The following TMC3 variants were observed in gnomAD, a reference collection of about 807,000 sequenced individuals.
TMC3 encodes transmembrane channel-like protein 3.
Under a neutral mutation model 110.6 loss-of-function variants are expected in TMC3, and 98 were observed. That is an observed-to-expected ratio of 0.89 (90% confidence interval 0.75 to 1.05). TMC3 has a LOEUF of 1.05. Among genes scored for constraint, TMC3 ranks in the 50% least tolerant of loss-of-function variants. The pLI, the probability that TMC3 is intolerant of heterozygous loss-of-function variation, is 0.00. For missense variants in TMC3, 1,319 were observed against 1,373.2 expected, an observed-to-expected ratio of 0.96 and a Z score of 0.62; for synonymous variants, 489 against 513.1, an observed-to-expected ratio of 0.95 and a Z score of 0.63.
chr15:81,344,616 T>A (rs1389913945), intron 13 of TMC3, 150 bp downstream of exon 13: 6 of 827,228 alleles, frequency 7.3e-6, no homozygotes, highest in Non-Finnish European at 1.1e-5. Flanking sequence ...ACTGATTATT[T>A]TTCTTTTTTA....
intron 3 of TMC3, among the ~76,000 whole-genome samples, chr15:81,365,683 A>G (rs1024148723): frequency 6.2e-5 from 7 of 112,280 alleles, no homozygotes; most frequent in Non-Finnish European, 1.0e-4. Context: ...AAAAAAAAAA[A>G]AAGAAAAAGA....
chr15:81,360,096 T>TA (rs1229133313), intron 4 of TMC3, among the ~76,000 whole-genome samples: 2 of 152,218 alleles, frequency 1.3e-5, no homozygotes, highest in Admixed American at 6.5e-5. Context: ...TAGGTAGTTT[T>TA]ATGTCATTAA....
At chr15:81,366,770 A>G (rs1894326141) in intron 3 of TMC3, among the ~76,000 whole-genome samples, 1 of 152,246 alleles carries the variant, frequency 6.6e-6, no homozygotes, top group African/African-American at 2.4e-5. Flanking sequence ...GAAGAGTAAG[A>G]AGAAAGAATG....
At chr15:81,373,830 C>T (rs1290856107) in intron 1 of TMC3, among the ~76,000 whole-genome samples, 159 bp downstream of exon 1, 1 of 152,148 alleles carries the variant, frequency 6.6e-6, no homozygotes, top group Non-Finnish European at 1.5e-5. Context: ...GCTGAGGTTG[C>T]CATCCTAGTT....
intron 8 of TMC3, among the ~76,000 whole-genome samples, chr15:81,356,094 G>T (rs1894054541): frequency 6.6e-6 from 1 of 152,066 alleles, no homozygotes; most frequent in Admixed American, 6.5e-5. Context: ...TATTTTCTAA[G>T]TTAAAAGTAA....
chr15:81,353,994 T>C (rs1163695087), intron 9 of TMC3, among the ~76,000 whole-genome samples: 1 of 152,226 alleles, frequency 6.6e-6, no homozygotes, highest in Non-Finnish European at 1.5e-5. Context: ...CCTAATTTGG[T>C]CTCACTTCTC....
intron 2 of TMC3, among the ~76,000 whole-genome samples, chr15:81,372,128 T>A (rs1295116115): frequency 6.6e-6 from 1 of 152,064 alleles, no homozygotes; most frequent in Non-Finnish European, 1.5e-5. Context: ...TTTAATTATT[T>A]TTTTACCCAG....
intron 9 of TMC3, among the ~76,000 whole-genome samples, chr15:81,352,093 C>T (rs952828059): frequency 6.6e-5 from 10 of 152,136 alleles, no homozygotes; most frequent in Non-Finnish European, 1.3e-4. Context: ...AACAAATAAA[C>T]GCCTCTTGTT....
chr15:81,332,975 T>C lies in TMC3; in HGVS notation c.2747A>G (p.Asp916Gly), dbSNP rs1376604800. 6.2e-7 allele frequency: 1 copy of C among 1,612,884 alleles called. No individual in the cohort carries two copies. The highest frequency in any genetic ancestry group is 1.7e-5 in the Admixed American group (1 of 59,934). Residue 916 changes from aspartate to glycine, a missense_variant, in exon 22 of 22, where the codon GAC becomes GGC. Transcript: ENST00000359440. Reference sequence around the variant, plus strand: ...GTTCCTGGGGTACAGCTCCACAATGTCACCTGAAGCATCTATCTTGAAATG... The same window carrying C: ...GTTCCTGGGGTACAGCTCCACAATGCCACCTGAAGCATCTATCTTGAAATG... ...ERHFKIDASG[D>G]IVELYPRNVR...
At chr15:81,350,302 A>T (rs1047967728) in intron 10 of TMC3, among the ~76,000 whole-genome samples, 1 of 152,190 alleles carries the variant, frequency 6.6e-6, no homozygotes, top group South Asian at 2.1e-4. Flanking sequence ...CAGTATTTAT[A>T]CTTCCCTGAC....
At chr15:81,339,632 G>A (rs1167496974) in intron 16 of TMC3, 128 bp from the exon 17 acceptor site, 2 of 694,262 alleles carry the variant, frequency 2.9e-6, no homozygotes, top group African/African-American at 3.5e-5. Context: ...CTCCTCTCAG[G>A]GTTACCTACA....
In TMC3 at chr15:81,374,212, G is replaced by GAGAGACC; in HGVS notation, c.-136_-135insGGTCTCT. On this transcript the variant is annotated 5_prime_UTR_variant, in exon 1 of 22. Coordinates refer to ENST00000359440, the MANE Select transcript of TMC3 (RefSeq NM_001080532.3). ...CGCTAGTTCTCAGGAAGAAGACTGT[G>GAGAGACC]TGCTTGCAGCTGGTGCTCTGAGCAG... 1 of 721,726 alleles carries GAGAGACC rather than the reference G, an allele frequency of 1.4e-6. No homozygotes were observed. Among genetic ancestry groups the GAGAGACC allele is most frequent in the African/African-American group, 1.7e-5 (1 of 57,314 alleles). The allele number at this position is 721,726 out of a possible 1,614,324, so 44.7% of individuals were successfully genotyped here.
chr15:81,364,479 CA>C (rs1894260074), intron 3 of TMC3, among the ~76,000 whole-genome samples: 1 of 138,130 alleles, frequency 7.2e-6, no homozygotes. Context: ...GGGAATTGAA[CA>C]ATGAGATCAC....
At chr15:81,340,189 T>C (rs908634028) in intron 16 of TMC3, among the ~76,000 whole-genome samples, 2 of 149,892 alleles carry the variant, frequency 1.3e-5, no homozygotes, top group East Asian at 2.0e-4. Flanking sequence ...ACTAGTACTC[T>C]CTGTTGGTCT....
In TMC3 at chr15:81,356,565, G is replaced by C. The variant is rs1461009795; in HGVS notation, c.773C>G (p.Ala258Gly). Residue 258 changes from alanine to glycine, a missense_variant, in exon 8 of 22, where the codon GCC becomes GGC. By Grantham distance (60) the Ala-to-Gly change is moderately conservative. Coordinates refer to ENST00000359440, the MANE Select transcript of TMC3 (RefSeq NM_001080532.3). Reference sequence around the variant, plus strand: ...GGTATAGTTTTCATTGGAAGCACTGGCAAGACTCGTGCGGGAGTTCTTAGC... The same window carrying C: ...GGTATAGTTTTCATTGGAAGCACTGCCAAGACTCGTGCGGGAGTTCTTAGC... ...KMAKNSRTSL[A>G]SASNENYTFC... 1.9e-6 allele frequency: 3 copies of C among 1,587,964 alleles called. No individual in the cohort carries two copies. In the Admixed American group the frequency reaches 5.4e-5, roughly 28 times the overall value.
Position 81,332,263 on chromosome 15 carries a change from C to T in TMC3, c.*156G>A, listed in dbSNP as rs1403844374. 2 of 1,115,008 alleles carry T rather than the reference C, an allele frequency of 1.8e-6. No homozygotes were observed. The highest frequency in any genetic ancestry group is 1.6e-5 in the African/African-American group (1 of 63,308). The allele number at this position is 1,115,008 out of a possible 1,614,324, so 69.1% of individuals were successfully genotyped here. ...TAGCTGTAGAATAGGTATCTGTAGC[C>T]CTGTCAGCCTCAGGGCCTCAGCTAG... is the stretch of plus-strand genomic sequence containing the variant. On this transcript the variant is annotated 3_prime_UTR_variant, in exon 22 of 22. Transcript: ENST00000359440.
chr15:81,335,413 A>G (rs1391337248), intron 20 of TMC3, among the ~76,000 whole-genome samples: 1 of 152,244 alleles, frequency 6.6e-6, no homozygotes, highest in Non-Finnish European at 1.5e-5. Context: ...GAAACAGTCT[A>G]TGTGGATTCT....
Position 81,346,540 on chromosome 15 carries a change from T to C in TMC3, c.1194-97A>G, listed in dbSNP as rs1271038432. On this transcript the variant is annotated intron_variant, in intron 11 of 21. Coordinates refer to ENST00000359440, the MANE Select transcript of TMC3 (RefSeq NM_001080532.3). ...GGTTCTAAAGACTGTCATGGATATATTAAGGCAGTGGCTGCCACACTTGGT... is the reference window on the plus strand; with the variant it reads ...GGTTCTAAAGACTGTCATGGATATACTAAGGCAGTGGCTGCCACACTTGGT... 1.2e-5 allele frequency: 14 copies of C among 1,194,536 alleles called. No individual in the cohort carries two copies. In the South Asian group the frequency reaches 1.3e-4, roughly 11 times the overall value. 74.0% of individuals were successfully genotyped at this position (1,194,536 alleles called of 1,614,324 possible). A position where few individuals can be genotyped will look rare whatever the true frequency, so the allele number is the denominator to read the frequency against.
intron 9 of TMC3, among the ~76,000 whole-genome samples, chr15:81,352,213 GAGGGAGGAAGGAAGGC>G (rs1893966928): frequency 6.6e-6 from 1 of 152,204 alleles, no homozygotes; most frequent in African/African-American, 2.4e-5. Flanking sequence ...TCAGCAGAGG[GAGGGAGGAAGGAAGGC>G]AGGGAGGAAG....
Sources: allele counts gnomAD v4.1 joint callset (sites outside exome capture counted in the v4.1 genomes callset), GRCh38; gene constraint gnomAD v4.1.1; transcripts MANE v1.5; gene names NCBI Gene and HGNC (gene_info 2026-07-23, HGNC 2026-07-21).